CNTNAP2: variants seen among roughly 807,000 people sequenced by gnomAD.
The protein encoded by CNTNAP2 is contactin-associated protein-like 2.
In CNTNAP2, 98 loss-of-function variants were observed where a neutral mutation model predicts 155.2. The ratio of observed to expected loss-of-function variants is 0.63; its 90% CI spans 0.54 to 0.75. CNTNAP2 has a LOEUF of 0.75. Ranked by LOEUF, CNTNAP2 falls within the 30% of genes least tolerant of loss-of-function variation. The probability of loss-of-function intolerance (pLI) is 0.00; values close to 1 mark genes in which losing one functional copy is unlikely to be tolerated. For synonymous variants in CNTNAP2, 651 were observed against 631.2 expected (o/e 1.03, Z -0.47); for missense variants, 1,727 against 1,688.1 (o/e 1.02, Z -0.40).
chr7:146,571,217 G>A (rs117283615), intron 1 of CNTNAP2, among the ~76,000 whole-genome samples: 1,766 of 152,194 alleles, frequency 0.012, 20 homozygotes, highest in East Asian at 0.037. Flanking sequence ...ACTGTTGGCA[G>A]ACTGTATATG....
In CNTNAP2 at chr7:147,624,406, T is replaced by G. The variant is rs140483070; in HGVS notation, c.1898-14700T>G. 4.4e-3 allele frequency among the ~76,000 whole-genome samples: 671 copies of G among 152,114 alleles called. 6 individuals carry two copies. Among genetic ancestry groups the G allele is most frequent in the African/African-American group, 0.015 (607 of 41,528 alleles). On this transcript the variant is annotated intron_variant, in intron 12 of 23. Coordinates refer to ENST00000361727, the MANE Select transcript of CNTNAP2 (RefSeq NM_014141.6). ...TATTATATAAGGAGCTCAAAATAAC[T>G]CTATAGGAAAATTTTAATAATATGT...
At chr7:146,286,018 G>GTGTGTCTC (rs1800330588) in intron 1 of CNTNAP2, among the ~76,000 whole-genome samples, 1 of 105,566 alleles carries the variant, frequency 9.5e-6, no homozygotes, top group East Asian at 2.7e-4. Context: ...GTGTGTGTGT[G>GTGTGTCTC]TGTGTCTCTG....
intron 13 of CNTNAP2, among the ~76,000 whole-genome samples, chr7:147,833,093 A>G (rs1243814406): frequency 6.6e-6 from 1 of 150,748 alleles, no homozygotes; most frequent in Non-Finnish European, 1.5e-5. Flanking sequence ...ATTAAAATTT[A>G]CTGAGTCCGT....
At chr7:148,381,003 C>G (rs576736255) in intron 21 of CNTNAP2, among the ~76,000 whole-genome samples, 3 of 152,374 alleles carry the variant, frequency 2.0e-5, no homozygotes, top group African/African-American at 7.2e-5. Context: ...CTGCCAGGAG[C>G]AAACGCCACT....
At chr7:147,010,639 G>A (rs1297691522) in intron 3 of CNTNAP2, among the ~76,000 whole-genome samples, 1 of 151,994 alleles carries the variant, frequency 6.6e-6, no homozygotes, top group Non-Finnish European at 1.5e-5. Context: ...GAATAAAATA[G>A]GAATCTTTCA....
intron 1 of CNTNAP2, among the ~76,000 whole-genome samples, chr7:146,405,807 C>G (rs1466604609): frequency 6.6e-6 from 1 of 152,164 alleles, no homozygotes; most frequent in Non-Finnish European, 1.5e-5. Context: ...ATATTTACAC[C>G]TACTGTGTTA....
chr7:146,932,781 T>A (rs1195295513), intron 3 of CNTNAP2, among the ~76,000 whole-genome samples: 1 of 152,078 alleles, frequency 6.6e-6, no homozygotes, highest in Non-Finnish European at 1.5e-5. Context: ...CAAGCATTCT[T>A]ATACACCAAT....
At chr7:147,605,506 A>G (rs1265458162) in intron 12 of CNTNAP2, among the ~76,000 whole-genome samples, 1 of 152,158 alleles carries the variant, frequency 6.6e-6, no homozygotes, top group Non-Finnish European at 1.5e-5. Context: ...TCATGCAGAT[A>G]AAGTCTCTCT....
intron 8 of CNTNAP2, among the ~76,000 whole-genome samples, chr7:147,215,820 A>G (rs979922875): frequency 6.6e-6 from 1 of 152,108 alleles, no homozygotes; most frequent in East Asian, 1.9e-4. Context: ...AATAAATGAG[A>G]GTTCCTGTTG....
At chr7:148,060,483 A>G (rs764199497) in intron 15 of CNTNAP2, among the ~76,000 whole-genome samples, 2 of 152,206 alleles carry the variant, frequency 1.3e-5, no homozygotes, top group African/African-American at 2.4e-5. Context: ...TAGCTAATAA[A>G]TATTTGTTGA....
At chr7:148,060,555 T>A (rs1803110397) in intron 15 of CNTNAP2, among the ~76,000 whole-genome samples, 1 of 152,200 alleles carries the variant, frequency 6.6e-6, no homozygotes, top group Non-Finnish European at 1.5e-5. Flanking sequence ...ACTCATATTG[T>A]TTCTCCTTTA....
chr7:146,961,822 T>G (rs961536701), intron 3 of CNTNAP2, among the ~76,000 whole-genome samples: 1 of 152,028 alleles, frequency 6.6e-6, no homozygotes, highest in Non-Finnish European at 1.5e-5. Flanking sequence ...CATCTGAAAA[T>G]GAAAAATGAA....
intron 1 of CNTNAP2, among the ~76,000 whole-genome samples, chr7:146,588,888 T>C (rs1798739280): frequency 6.6e-6 from 1 of 152,170 alleles, no homozygotes; most frequent in Non-Finnish European, 1.5e-5. Context: ...TTTAGTGATC[T>C]GATATATTTT....
chr7:148,413,401 A>AAAAAAAAAAAAAAAAAAAAAT (rs1442990213), intron 23 of CNTNAP2, among the ~76,000 whole-genome samples: 1 of 45,374 alleles, frequency 2.2e-5, no homozygotes, highest in Non-Finnish European at 4.2e-5. Context: ...TCAAAAAAAA[A>AAAAAAAAAAAAAAAAAAAAAT]ATATATATAT....
At chr7:146,450,703 G>A (rs538572083) in intron 1 of CNTNAP2, among the ~76,000 whole-genome samples, 1 of 152,200 alleles carries the variant, frequency 6.6e-6, no homozygotes, top group East Asian at 1.9e-4. Flanking sequence ...TGAAAGGAAA[G>A]ACCCAATTTT....
intron 1 of CNTNAP2, among the ~76,000 whole-genome samples, chr7:146,344,971 AT>A (rs1419689267): frequency 6.6e-6 from 1 of 152,210 alleles, no homozygotes; most frequent in Non-Finnish European, 1.5e-5. Flanking sequence ...AGTCTGGAGA[AT>A]AATATGAAAT....
intron 8 of CNTNAP2, among the ~76,000 whole-genome samples, chr7:147,148,182 A>G (rs914756562): frequency 8.6e-5 from 13 of 151,814 alleles, no homozygotes; most frequent in African/African-American, 3.1e-4. Context: ...TGAGGTCAGG[A>G]GATCGAGACC....
chr7:147,711,804 T>C (rs1218449325), intron 13 of CNTNAP2, among the ~76,000 whole-genome samples: 1 of 152,206 alleles, frequency 6.6e-6, no homozygotes, highest in Non-Finnish European at 1.5e-5. Flanking sequence ...ACATAAATAC[T>C]GTACTGACTT....
At chr7:147,562,041 T>A in intron 11 of CNTNAP2, 97 bp from the exon 12 acceptor site, 1 of 1,475,670 alleles carries the variant, frequency 6.8e-7, no homozygotes, top group Admixed American at 1.7e-5. Flanking sequence ...TACTCCTAAC[T>A]AGTGGTTTGC....
Sources: allele counts gnomAD v4.1 joint callset (sites outside exome capture counted in the v4.1 genomes callset), GRCh38; gene constraint gnomAD v4.1.1; transcripts MANE v1.5; gene names NCBI Gene and HGNC (gene_info 2026-07-23, HGNC 2026-07-21).